ASCC2: variants seen among roughly 807,000 people sequenced by gnomAD.
The protein encoded by ASCC2 is activating signal cointegrator 1 complex subunit 2.
A neutral mutation model predicts 93.5 loss-of-function variants in ASCC2; 42 were observed. That is an observed-to-expected ratio of 0.45 (90% CI 0.35 to 0.58). ASCC2 has a LOEUF of 0.58. ASCC2 is among the 20% of genes least tolerant of loss of function. The pLI is 0.00. For missense variants in ASCC2, 859 were observed against 977.6 expected (o/e 0.88, Z 1.62); for synonymous variants, 364 against 384.2 (o/e 0.95, Z 0.62).
intron 12 of ASCC2, among the ~76,000 whole-genome samples, 162 bp downstream of exon 12, chr22:29,806,054 G>A (rs2059636665): frequency 6.6e-6 from 1 of 152,066 alleles, no homozygotes. Flanking sequence ...ATCTCCTCTA[G>A]AAAAGGCAAG....
At chr22:29,801,752 C>G (rs1221554377) in intron 14 of ASCC2, among the ~76,000 whole-genome samples, 1 of 152,192 alleles carries the variant, frequency 6.6e-6, no homozygotes, top group Non-Finnish European at 1.5e-5. Context: ...CCATGGCGCT[C>G]TAATCAGCCT....
chr22:29,798,174 G>A (rs1000484451), intron 15 of ASCC2, among the ~76,000 whole-genome samples: 5 of 152,178 alleles, frequency 3.3e-5, no homozygotes, highest in African/African-American at 1.2e-4. Context: ...TGATATACCT[G>A]TAGCACATGT....
intron 1 of ASCC2, among the ~76,000 whole-genome samples, chr22:29,836,021 G>A (rs1010071867): frequency 6.6e-6 from 1 of 152,082 alleles, no homozygotes; most frequent in Non-Finnish European, 1.5e-5. Flanking sequence ...TTTGGGTCGG[G>A]TGAGGTGGCT....
At chr22:29,807,235 CA>C (rs553545816) in intron 9 of ASCC2, among the ~76,000 whole-genome samples, 6,436 of 46,480 alleles carry the variant, frequency 0.14, 57 homozygotes, top group Non-Finnish European at 0.16. Flanking sequence ...GACCCTGTCT[CA>C]AAAAAAAAAA....
chr22:29,820,706 G>A (rs1292870339), intron 5 of ASCC2, among the ~76,000 whole-genome samples: 9 of 151,712 alleles, frequency 5.9e-5, no homozygotes, highest in African/African-American at 1.2e-4. Flanking sequence ...AGGCCGAGGC[G>A]GGTGGATCAC....
chr22:29,806,429 G>A, intron 11 of ASCC2, 56 bp downstream of exon 11: 2 of 1,589,728 alleles, frequency 1.3e-6, no homozygotes, highest in African/African-American at 1.3e-5. Context: ...ATCATGTAAG[G>A]CCTCTTGGGG....
chr22:29,832,338 C>T lies in ASCC2; in HGVS notation c.-13G>A. The T allele has an allele frequency of 6.2e-7, 1 of 1,610,336 alleles. No individual in the cohort carries two copies. Among genetic ancestry groups the T allele is most frequent in the East Asian group, 2.2e-5 (1 of 44,830 alleles). On this transcript the variant is annotated 5_prime_UTR_variant, in exon 2 of 20. Coordinates refer to ENST00000307790, the MANE Select transcript of ASCC2 (RefSeq NM_032204.5). ...GCAGAGCTGGCATTGTGCTGCGTGA[C>T]CCTCCTGAAAGGAATATGGATGGGA...
In ASCC2 at chr22:29,806,492, C is replaced by A. The variant is rs1343955726; in HGVS notation, c.1078G>T (p.Glu360Ter). The change falls in exon 11 of 20, where the codon GAG becomes TAG. Residue 360 changes from glutamate to a stop codon, truncating the protein, a stop_gained. Coordinates refer to ENST00000307790, the MANE Select transcript of ASCC2 (RefSeq NM_032204.5). LOFTEE classifies it high-confidence loss of function. The stretch of plus-strand genomic sequence containing the variant: ...CAGCTCAGCCACACTCACCTCTTCT[C>A]CTGCAGCAAGGAGCTGAAGATCTGA... ...FLQIFSSLLQ[E>*]KRFLRDYDAL... 1 of 1,613,996 alleles carries A rather than the reference C, an allele frequency of 6.2e-7. No individual in the cohort carries two copies. The highest frequency in any genetic ancestry group is 8.5e-7 in the Non-Finnish European group (1 of 1,179,936).
At chr22:29,811,280 C>T (rs1261281845) in intron 8 of ASCC2, among the ~76,000 whole-genome samples, 10 of 152,142 alleles carry the variant, frequency 6.6e-5, no homozygotes, top group Admixed American at 6.5e-4. Context: ...CTCATATGTG[C>T]ATATATTCTT....
chr22:29,788,802 T>G lies in ASCC2; in HGVS notation c.*211A>C. ...GTGCCTGCTTGCCGGCCCCACGGATTCTTCGGCTGTGGCATAAGGCACTGT... is the reference window on the plus strand; with the variant it reads ...GTGCCTGCTTGCCGGCCCCACGGATGCTTCGGCTGTGGCATAAGGCACTGT... On this transcript the variant is annotated 3_prime_UTR_variant, in exon 20 of 20. Coordinates refer to ENST00000307790, the MANE Select transcript of ASCC2 (RefSeq NM_032204.5). The G allele has an allele frequency of 1.7e-6, 1 of 590,880 alleles. No homozygotes were observed. The highest frequency in any genetic ancestry group is 2.1e-5 in the South Asian group (1 of 48,462). 36.6% of individuals were successfully genotyped at this position (590,880 alleles called of 1,614,324 possible).
At position 29,793,624 on chromosome 22, in the gene ASCC2, C is replaced by T. The variant is rs765944174; in HGVS notation, c.1741G>A (p.Ala581Thr). The change falls in exon 16 of 20, where the codon GCG becomes ACG. Residue 581 changes from alanine (A) to threonine (T), a missense_variant. Transcript: ENST00000307790. ...RSLLNDKRAV[A>T]AQRQRYEQYS... is the part of the protein sequence containing the mutation. Reference sequence around the variant, plus strand: ...TGCTCGTAGCGCTGCCGCTGTGCCGCCACTGCACGCTTGTCGTTCAGCAAA... The same window carrying T: ...TGCTCGTAGCGCTGCCGCTGTGCCGTCACTGCACGCTTGTCGTTCAGCAAA... The T allele has an allele frequency of 3.1e-6, 5 of 1,605,098 alleles. No homozygotes were observed. The highest frequency in any genetic ancestry group is 4.3e-6 in the Non-Finnish European group (5 of 1,176,408).
rs930356592 is a variant in ASCC2, at chr22:29,819,480, C to A, written c.541+2855G>T. On this transcript the variant is annotated intron_variant, in intron 5 of 19. Coordinates refer to ENST00000307790, the MANE Select transcript of ASCC2 (RefSeq NM_032204.5). The stretch of plus-strand genomic sequence containing the variant: ...CCCAGCCTCAACAACCCAATGTAAT[C>A]CCTGCACCCATCCTATGGGTAGGTA... 3.9e-5 allele frequency among the ~76,000 whole-genome samples: 6 copies of A among 152,282 alleles called. No individual in the cohort carries two copies. In the East Asian group the frequency reaches 1.2e-3, roughly 29 times the overall value.
chr22:29,804,478 G>C (rs185767569), intron 13 of ASCC2, among the ~76,000 whole-genome samples, 160 bp downstream of exon 13: 1 of 152,226 alleles, frequency 6.6e-6, no homozygotes, highest in East Asian at 1.9e-4. Flanking sequence ...CCCTCTAAAG[G>C]CAGCACAGAG....
At chr22:29,812,790 G>A (rs2060418460) in intron 8 of ASCC2, among the ~76,000 whole-genome samples, 1 of 152,040 alleles carries the variant, frequency 6.6e-6, no homozygotes, top group South Asian at 2.1e-4. Context: ...TCCTTCAAGG[G>A]TGATCTCACA....
rs2068458714 is a variant in ASCC2, at chr22:29,788,739, C to T, written c.*274G>A. On this transcript the variant is annotated 3_prime_UTR_variant, in exon 20 of 20. Coordinates refer to ENST00000307790, the MANE Select transcript of ASCC2 (RefSeq NM_032204.5). ...GTTTGGGGCGCTTGCCTTGGGACTC[C>T]ATCCCCATCTCTTTCCCGCTAGCGC... is the stretch of plus-strand genomic sequence containing the variant. 1 of 488,622 alleles carries T rather than the reference C, an allele frequency of 2.0e-6. No homozygotes were observed. Among genetic ancestry groups the T allele is most frequent in the Non-Finnish European group, 3.7e-6 (1 of 269,750 alleles). 30.3% of individuals were successfully genotyped at this position (488,622 alleles called of 1,614,324 possible). A position where few individuals can be genotyped will look rare whatever the true frequency, so the allele number is the denominator to read the frequency against.
At chr22:29,812,354 C>T (rs1418241792) in intron 8 of ASCC2, among the ~76,000 whole-genome samples, 1 of 152,204 alleles carries the variant, frequency 6.6e-6, no homozygotes, top group Non-Finnish European at 1.5e-5. Context: ...TCACCCTGGC[C>T]TGGAATGCCC....
At chr22:29,791,812 G>A (rs1371992354) in intron 18 of ASCC2, among the ~76,000 whole-genome samples, 2 of 152,036 alleles carry the variant, frequency 1.3e-5, no homozygotes, top group African/African-American at 2.4e-5. Flanking sequence ...TGCTTGCACC[G>A]AGGAGCCCCT....
chr22:29,789,274 G>A (rs1356336556), intron 19 of ASCC2, 90 bp from the exon 20 acceptor site: 2 of 1,473,040 alleles, frequency 1.4e-6, no homozygotes, highest in East Asian at 4.5e-5. Flanking sequence ...TGTTCACTGG[G>A]AGAGGACACA....
intron 1 of ASCC2, among the ~76,000 whole-genome samples, chr22:29,837,916 C>A (rs1408694418): frequency 1.3e-5 from 2 of 152,220 alleles, no homozygotes. Flanking sequence ...ATGAATGAAC[C>A]CTGAGGAAAC....
Sources: gnomAD v4.1 joint callset for allele counts (sites outside exome capture counted in the v4.1 genomes callset) on GRCh38, gnomAD v4.1.1 for gene constraint, MANE v1.5 for transcripts, NCBI Gene and HGNC (gene_info 2026-07-23, HGNC 2026-07-21) for gene names.